The following KSR2 variants were observed in gnomAD, a reference collection of about 807,000 sequenced individuals.
KSR2 encodes the protein kinase suppressor of ras 2.
In KSR2, 25 loss-of-function variants were observed where a neutral mutation model predicts 107.8. That is an observed-to-expected ratio of 0.23 (90% confidence interval 0.17 to 0.32). KSR2 has a LOEUF of 0.32. Ranked by LOEUF, KSR2 falls within the 10% of genes least tolerant of loss-of-function variation. The probability of loss-of-function intolerance (pLI) is 1.00; values close to 1 mark genes in which losing one functional copy is unlikely to be tolerated. For missense variants in KSR2, 887 were observed against 1,268.9 expected (o/e 0.70, Z 4.57); for synonymous variants, 480 against 507.0 (o/e 0.95, Z 0.71).
intron 9 of KSR2, among the ~76,000 whole-genome samples, chr12:117,542,665 G>C (rs774586345): frequency 2.0e-5 from 3 of 151,952 alleles, no homozygotes; most frequent in Non-Finnish European, 4.4e-5. Context: ...CTGTATGTGG[G>C]TTTTTTTGAG....
intron 4 of KSR2, among the ~76,000 whole-genome samples, chr12:117,686,857 T>C (rs1365130378): frequency 6.6e-6 from 1 of 152,210 alleles, no homozygotes; most frequent in Non-Finnish European, 1.5e-5. Flanking sequence ...TTTCAATCTA[T>C]GATTCTATGA....
At position 117,467,225 on chromosome 12, in the gene KSR2, G is replaced by A. The variant is rs1871191517; in HGVS notation, c.2847-20C>T. On this transcript the variant is annotated intron_variant, in intron 19 of 19. Coordinates refer to ENST00000339824, the MANE Select transcript of KSR2 (RefSeq NM_173598.6). ...CACAGCCTGGAGTGGGGAGAGAAGG[G>A]AGAGAGTGGTGAGAGGTCACAAGGA... 5 of 732,798 alleles carry A rather than the reference G, an allele frequency of 6.8e-6. No homozygotes were observed. Among genetic ancestry groups the A allele is most frequent in the Non-Finnish European group, 1.3e-5 (5 of 397,876 alleles). The allele number at this position is 732,798 out of a possible 1,614,324, so 45.4% of individuals were successfully genotyped here. A position where few individuals can be genotyped will look rare whatever the true frequency, so the allele number is the denominator to read the frequency against.
At chr12:117,939,531 T>C (rs1895942970) in intron 1 of KSR2, among the ~76,000 whole-genome samples, 1 of 152,002 alleles carries the variant, frequency 6.6e-6, no homozygotes, top group African/African-American at 2.4e-5. Flanking sequence ...ACCAACATAG[T>C]GAAAGCCCAT....
intron 5 of KSR2, among the ~76,000 whole-genome samples, chr12:117,606,066 G>A (rs1881211033): frequency 6.6e-6 from 1 of 152,140 alleles, no homozygotes; most frequent in African/African-American, 2.4e-5. Context: ...TGGTGACCAT[G>A]GCTGATAGGA....
At chr12:117,808,080 A>C (rs1490793879) in intron 3 of KSR2, among the ~76,000 whole-genome samples, 4 of 152,234 alleles carry the variant, frequency 2.6e-5, no homozygotes, top group African/African-American at 9.6e-5. Context: ...TTTCTCAGCC[A>C]CATTGCATGT....
intron 1 of KSR2, among the ~76,000 whole-genome samples, chr12:117,954,417 A>T (rs1173923545): frequency 1.3e-5 from 2 of 152,212 alleles, no homozygotes; most frequent in East Asian, 3.8e-4. Flanking sequence ...CCGGCCACTG[A>T]TGGGAGGTGC....
At chr12:117,932,248 C>T (rs1895714788) in intron 1 of KSR2, among the ~76,000 whole-genome samples, 1 of 152,118 alleles carries the variant, frequency 6.6e-6, no homozygotes, top group African/African-American at 2.4e-5. Flanking sequence ...GATAGTGCCA[C>T]TGCACTCCAG....
intron 1 of KSR2, among the ~76,000 whole-genome samples, chr12:117,942,401 C>G (rs914517963): frequency 6.6e-6 from 1 of 152,168 alleles, no homozygotes; most frequent in Non-Finnish European, 1.5e-5. Flanking sequence ...CCCTTCCCAG[C>G]CTCTGGTAAC....
At chr12:117,518,229 C>T (rs1278621294) in intron 14 of KSR2, among the ~76,000 whole-genome samples, 1 of 152,108 alleles carries the variant, frequency 6.6e-6, no homozygotes, top group African/African-American at 2.4e-5. Flanking sequence ...TGGTGACATG[C>T]GCCAAATGAG....
intron 17 of KSR2, among the ~76,000 whole-genome samples, chr12:117,475,409 G>A (rs1036531549): frequency 6.6e-6 from 1 of 151,744 alleles, no homozygotes; most frequent in African/African-American, 2.4e-5. Flanking sequence ...ATTATTCCAT[G>A]TGGGCAATGT....
At chr12:117,644,632 G>A (rs73411142) in intron 5 of KSR2, among the ~76,000 whole-genome samples, 7,017 of 152,234 alleles carry the variant, frequency 0.046, 295 homozygotes, top group East Asian at 0.15. Flanking sequence ...GGCAAGAAGC[G>A]CTTTCTTCTT....
intron 4 of KSR2, among the ~76,000 whole-genome samples, chr12:117,760,114 A>G (rs1021027037): frequency 1.3e-5 from 2 of 152,240 alleles, no homozygotes; most frequent in South Asian, 2.1e-4. Context: ...CTCAAAAAAA[A>G]AGAAGTTTCT....
In KSR2 at chr12:117,461,822, C is replaced by T. The variant is rs564733771; in HGVS notation, c.*5377G>A. The T allele has an allele frequency of 2.0e-5, 3 of 152,654 alleles. No individual in the cohort carries two copies. The South Asian group carries it at 6.2e-4, about 32-fold the overall frequency. The allele number at this position is 152,654 out of a possible 1,614,324, so 9.5% of individuals were successfully genotyped here. A position where few individuals can be genotyped will look rare whatever the true frequency, so the allele number is the denominator to read the frequency against. On this transcript the variant is annotated 3_prime_UTR_variant, in exon 20 of 20. Coordinates refer to ENST00000339824, the MANE Select transcript of KSR2 (RefSeq NM_173598.6). Reference sequence around the variant, plus strand: ...GTGGCCACATGAGTCTGCCTAGGAACTTCCCCACATCACAGGCAAAGCCAA... The same window carrying T: ...GTGGCCACATGAGTCTGCCTAGGAATTTCCCCACATCACAGGCAAAGCCAA...
chr12:117,720,649 A>C (rs1028093106), intron 4 of KSR2, among the ~76,000 whole-genome samples: 9 of 152,242 alleles, frequency 5.9e-5, no homozygotes, highest in African/African-American at 1.9e-4. Context: ...CCAAGGGCTC[A>C]AACATCAGAC....
intron 14 of KSR2, among the ~76,000 whole-genome samples, chr12:117,496,661 C>T (rs1011689377): frequency 2.6e-5 from 4 of 151,856 alleles, no homozygotes; most frequent in South Asian, 2.1e-4. Flanking sequence ...ATCCCTAGCC[C>T]CAGGTAAGAG....
chr12:117,843,112 T>C (rs1055210780), intron 3 of KSR2, among the ~76,000 whole-genome samples: 2 of 152,188 alleles, frequency 1.3e-5, no homozygotes, highest in Non-Finnish European at 2.9e-5. Context: ...TTTATATGAC[T>C]TCATTTCTTT....
chr12:117,671,078 G>A (rs1044706227), intron 4 of KSR2, among the ~76,000 whole-genome samples: 1 of 152,246 alleles, frequency 6.6e-6, no homozygotes, highest in East Asian at 1.9e-4. Flanking sequence ...TGGCCCTGGG[G>A]CCTTCTCACT....
intron 1 of KSR2, among the ~76,000 whole-genome samples, chr12:117,955,015 T>C (rs1896468872): frequency 8.5e-6 from 1 of 117,574 alleles, no homozygotes; most frequent in South Asian, 2.5e-4. Flanking sequence ...AGACCCTGTC[T>C]CAAAAAAAAA....
chr12:117,838,910 G>A (rs1043511023), intron 3 of KSR2, among the ~76,000 whole-genome samples: 4 of 152,206 alleles, frequency 2.6e-5, no homozygotes, highest in Non-Finnish European at 5.9e-5. Flanking sequence ...GGGCCATACG[G>A]TCTCTGTCAC....
Sources: gnomAD v4.1 joint callset for allele counts (sites outside exome capture counted in the v4.1 genomes callset) on GRCh38, gnomAD v4.1.1 for gene constraint, MANE v1.5 for transcripts, NCBI Gene and HGNC (gene_info 2026-07-23, HGNC 2026-07-21) for gene names.